The following RABGAP1L variants were observed in gnomAD, a reference collection of about 807,000 sequenced individuals.
RABGAP1L encodes rab GTPase-activating protein 1-like.
Under a neutral mutation model 137.7 loss-of-function variants are expected in RABGAP1L, and 63 were observed. That is an observed-to-expected ratio of 0.46 (90% CI 0.37 to 0.56). The LOEUF (loss-of-function observed/expected upper bound fraction) is 0.56. Among genes scored for constraint, RABGAP1L ranks in the 20% least tolerant of loss-of-function variants. RABGAP1L has a pLI of 0.00. For synonymous variants in RABGAP1L, 431 were observed against 433.7 expected (o/e 0.99, Z 0.08); for missense variants, 1,095 against 1,244.0 (o/e 0.88, Z 1.80).
chr1:174,715,586 C>A (rs921802366), intron 17 of RABGAP1L, among the ~76,000 whole-genome samples: 1 of 152,170 alleles, frequency 6.6e-6, no homozygotes, highest in Non-Finnish European at 1.5e-5. Flanking sequence ...CCCTTCACAC[C>A]CCTCATACAG....
chr1:174,250,256 A>G (rs145973594), intron 5 of RABGAP1L, among the ~76,000 whole-genome samples: 14 of 152,214 alleles, frequency 9.2e-5, no homozygotes, highest in African/African-American at 3.1e-4. Flanking sequence ...TACATTTACC[A>G]TCTACAGTTG....
intron 1 of RABGAP1L, among the ~76,000 whole-genome samples, chr1:174,162,724 G>A (rs1288878833): frequency 7.0e-6 from 1 of 142,200 alleles, no homozygotes; most frequent in Non-Finnish European, 1.5e-5. Flanking sequence ...ATGACCAGCA[G>A]CCCAAGGCTA....
At chr1:174,810,469 C>T (rs1023019444) in intron 18 of RABGAP1L, among the ~76,000 whole-genome samples, 2 of 152,208 alleles carry the variant, frequency 1.3e-5, no homozygotes, top group East Asian at 1.9e-4. Context: ...ATGACGAAAA[C>T]TGAGACCCTG....
chr1:174,311,687 A>G (rs1479977520), intron 11 of RABGAP1L, among the ~76,000 whole-genome samples: 1 of 152,050 alleles, frequency 6.6e-6, no homozygotes, highest in African/African-American at 2.4e-5. Context: ...GCTCACTGCA[A>G]CCTCCGCCTC....
chr1:174,723,172 TC>T (rs763673850), intron 17 of RABGAP1L, among the ~76,000 whole-genome samples: 3 of 152,152 alleles, frequency 2.0e-5, no homozygotes, highest in Non-Finnish European at 4.4e-5. Flanking sequence ...CCTCCTGGGT[TC>T]CAGTGATTCT....
intron 13 of RABGAP1L, chr1:174,449,256 T>G (rs971136117): frequency 2.1e-6 from 3 of 1,404,806 alleles, no homozygotes; most frequent in Non-Finnish European, 2.9e-6. Flanking sequence ...ATATTCTAGA[T>G]TCATCTGGAA....
At chr1:174,676,724 G>C (rs1220543709) in intron 14 of RABGAP1L, among the ~76,000 whole-genome samples, 3 of 152,168 alleles carry the variant, frequency 2.0e-5, no homozygotes, top group Admixed American at 2.0e-4. Flanking sequence ...GATACTGTTA[G>C]CTTCAGCCAT....
intron 13 of RABGAP1L, among the ~76,000 whole-genome samples, chr1:174,602,633 A>T (rs933139611): frequency 1.3e-5 from 2 of 151,950 alleles, no homozygotes; most frequent in Non-Finnish European, 2.9e-5. Context: ...ATTGTTTTTT[A>T]TTATTATTTT....
At chr1:174,875,582 G>T in intron 19 of RABGAP1L, 1 of 985,404 alleles carries the variant, frequency 1.0e-6, no homozygotes. Context: ...AGAAAAATAT[G>T]AAAGCAAGAG....
chr1:174,682,617 C>G (rs1678167581), intron 14 of RABGAP1L, among the ~76,000 whole-genome samples: 1 of 152,184 alleles, frequency 6.6e-6, no homozygotes, highest in Non-Finnish European at 1.5e-5. Context: ...CCTACTGTAA[C>G]TGATTCAGCC....
chr1:174,938,575 G>GTT (rs1465208138), intron 19 of RABGAP1L: 2 of 152,194 alleles, frequency 1.3e-5, no homozygotes, highest in African/African-American at 4.8e-5. Flanking sequence ...AACAGACTCG[G>GTT]CTTCAGAAGA....
intron 11 of RABGAP1L, among the ~76,000 whole-genome samples, chr1:174,336,563 A>G (rs921976180): frequency 6.6e-6 from 1 of 152,244 alleles, no homozygotes; most frequent in Non-Finnish European, 1.5e-5. Context: ...AAATGTGCAC[A>G]TGCATTACCT....
intron 19 of RABGAP1L, among the ~76,000 whole-genome samples, chr1:174,867,051 GCA>G (rs1189291024): frequency 6.6e-6 from 1 of 151,482 alleles, no homozygotes; most frequent in Non-Finnish European, 1.5e-5. Context: ...ATGCATCACT[GCA>G]CTCCAGCCTG....
intron 11 of RABGAP1L, among the ~76,000 whole-genome samples, chr1:174,320,632 T>C (rs1679874716): frequency 6.6e-6 from 1 of 152,184 alleles, no homozygotes. Context: ...TTAATACTTT[T>C]ATAATTTCTT....
At chr1:174,608,824 T>A (rs1307384792) in intron 13 of RABGAP1L, among the ~76,000 whole-genome samples, 1 of 152,120 alleles carries the variant, frequency 6.6e-6, no homozygotes, top group African/African-American at 2.4e-5. Flanking sequence ...ATTGATTATT[T>A]GAAATAGTTT....
At chr1:174,547,908 C>G (rs1352972451) in intron 13 of RABGAP1L, 2 of 1,550,056 alleles carry the variant, frequency 1.3e-6, no homozygotes, top group Non-Finnish European at 8.7e-7. Context: ...CTATGAAGGT[C>G]TCCATGACAC....
intron 13 of RABGAP1L, among the ~76,000 whole-genome samples, chr1:174,445,695 A>G (rs926158645): frequency 1.3e-5 from 2 of 152,176 alleles, no homozygotes; most frequent in African/African-American, 2.4e-5. Context: ...CAAATTTTTA[A>G]TAATTAATAA....
chr1:174,289,329 A>C (rs905515908), intron 10 of RABGAP1L, among the ~76,000 whole-genome samples: 5 of 152,244 alleles, frequency 3.3e-5, no homozygotes, highest in Admixed American at 2.6e-4. Context: ...GGCATAAGCC[A>C]CTGTGCCTAG....
intron 19 of RABGAP1L, among the ~76,000 whole-genome samples, chr1:174,884,795 A>T (rs1421980976): frequency 6.6e-6 from 1 of 152,226 alleles, no homozygotes; most frequent in Non-Finnish European, 1.5e-5. Flanking sequence ...CTCTCTTGAC[A>T]TCTACTTTAT....
Sources: gnomAD v4.1 joint callset for allele counts (sites outside exome capture counted in the v4.1 genomes callset) on GRCh38, gnomAD v4.1.1 for gene constraint, MANE v1.5 for transcripts, NCBI Gene and HGNC (gene_info 2026-07-23, HGNC 2026-07-21) for gene names.